FMN2: variants seen among roughly 807,000 people sequenced by gnomAD.
FMN2 encodes the protein formin-2.
In FMN2, 51 loss-of-function variants were observed where a neutral mutation model predicts 142.3. The ratio of observed to expected loss-of-function variants is 0.36; its 90% CI spans 0.29 to 0.45. The LOEUF (loss-of-function observed/expected upper bound fraction) is 0.45, where lower values mean the gene tolerates loss of function less well. Among genes scored for constraint, FMN2 ranks in the 20% least tolerant of loss-of-function variants. The pLI, the probability that FMN2 is intolerant of heterozygous loss-of-function variation, is 1.00. For missense variants in FMN2, 1,936 were observed against 2,122.8 expected (o/e 0.91, Z 1.73); for synonymous variants, 882 against 869.8 (o/e 1.01, Z -0.25).
At chr1:240,312,445 G>T (rs568432409) in intron 8 of FMN2, among the ~76,000 whole-genome samples, 1 of 152,084 alleles carries the variant, frequency 6.6e-6, no homozygotes, top group Non-Finnish European at 1.5e-5. Flanking sequence ...GACATTGTAC[G>T]CATATTCACT....
At chr1:240,282,803 A>G (rs1367289331) in intron 7 of FMN2, among the ~76,000 whole-genome samples, 1 of 152,206 alleles carries the variant, frequency 6.6e-6, no homozygotes, top group East Asian at 1.9e-4. Flanking sequence ...CCTTTGAAAT[A>G]TGAGTTTTCA....
At chr1:240,332,294 G>A (rs1195636835) in intron 11 of FMN2, among the ~76,000 whole-genome samples, 3 of 151,304 alleles carry the variant, frequency 2.0e-5, no homozygotes, top group Admixed American at 6.6e-5. Flanking sequence ...GAGTGCAATA[G>A]CATGAGCCCG....
At chr1:240,298,251 C>T (rs1421091106) in intron 8 of FMN2, among the ~76,000 whole-genome samples, 1 of 152,136 alleles carries the variant, frequency 6.6e-6, no homozygotes, top group African/African-American at 2.4e-5. Context: ...ACCAGGTTAG[C>T]CCTCTGCAGT....
At chr1:240,468,255 C>CATATGCACACACACATATAA in intron 16 of FMN2, among the ~76,000 whole-genome samples, 1 of 150,826 alleles carries the variant, frequency 6.6e-6, no homozygotes. Flanking sequence ...CACATATATA[C>CATATGCACACACACATATAA]ATATGCACAC....
intron 13 of FMN2, among the ~76,000 whole-genome samples, chr1:240,355,267 A>T (rs1672225343): frequency 6.6e-6 from 1 of 152,166 alleles, no homozygotes; most frequent in Non-Finnish European, 1.5e-5. Context: ...CTGACATGTA[A>T]TAGATGCTCT....
chr1:240,333,968 G>A (rs751100978), intron 12 of FMN2, 22 bp downstream of exon 12: 6 of 1,594,060 alleles, frequency 3.8e-6, no homozygotes, highest in Non-Finnish European at 1.7e-6. Flanking sequence ...TTTACATATA[G>A]TCATATTCCA....
chr1:240,222,013 A>AAT (rs1667136062), intron 6 of FMN2, among the ~76,000 whole-genome samples: 1 of 69,304 alleles, frequency 1.4e-5, no homozygotes, highest in African/African-American at 7.2e-5. Flanking sequence ...ACACCCAGCT[A>AAT]ATTTTTTTTT....
chr1:240,391,979 T>A (rs1204325027), intron 14 of FMN2, among the ~76,000 whole-genome samples: 4 of 152,190 alleles, frequency 2.6e-5, no homozygotes, highest in Admixed American at 6.5e-5. Context: ...TGATAGCAAG[T>A]AAATGGGTAT....
intron 13 of FMN2, among the ~76,000 whole-genome samples, chr1:240,345,073 T>C (rs776906126): frequency 3.9e-5 from 6 of 152,208 alleles, no homozygotes; most frequent in Non-Finnish European, 5.9e-5. Flanking sequence ...AGTCATTTCT[T>C]TTTCCATTTT....
rs1674454132 is a variant in FMN2 at position 240,413,076 on chromosome 1, TGG to T, written c.4910+20515_4910+20516del. Reference sequence around the variant, plus strand: ...AGGTAGAGCTTGCAGTGAGCCGAGATGGTGCCACTGCACTCCAGCCTGGGCGA... The same window carrying T: ...AGGTAGAGCTTGCAGTGAGCCGAGATTGCCACTGCACTCCAGCCTGGGCGA... On this transcript the variant is annotated intron_variant, in intron 15 of 17. Transcript: ENST00000319653. Among the ~76,000 whole-genome samples the T allele has an allele frequency of 3.3e-5, 4 of 119,946 alleles. No individual in the cohort carries two copies. The East Asian group carries it at 1.0e-3, about 31-fold the overall frequency. The allele number at this position is 119,946 out of a possible 152,430, so 78.7% of individuals were successfully genotyped here.
At chr1:240,137,069 C>CAAAAAAAAAA (rs563163509) in intron 2 of FMN2, among the ~76,000 whole-genome samples, 1 of 76,198 alleles carries the variant, frequency 1.3e-5, no homozygotes, top group African/African-American at 4.9e-5. Context: ...AACTCCGTCT[C>CAAAAAAAAAA]AAAAAAAAAA....
intron 6 of FMN2, among the ~76,000 whole-genome samples, chr1:240,243,529 A>C (rs981098295): frequency 7.9e-5 from 12 of 152,198 alleles, no homozygotes. Flanking sequence ...TGTTGGAATA[A>C]ACTCAAGTGA....
intron 2 of FMN2, among the ~76,000 whole-genome samples, chr1:240,140,266 T>C (rs190931450): frequency 1.4e-4 from 21 of 152,244 alleles, no homozygotes; most frequent in Admixed American, 1.3e-3. Context: ...AAGCTTTCTA[T>C]GTACCAGGCT....
chr1:240,385,207 T>C (rs185743722), intron 14 of FMN2, among the ~76,000 whole-genome samples: 2 of 152,198 alleles, frequency 1.3e-5, no homozygotes, highest in African/African-American at 4.8e-5. Flanking sequence ...GTTTTGATAG[T>C]TTGAATCCCT....
At chr1:240,345,803 C>A (rs1347602981) in intron 13 of FMN2, among the ~76,000 whole-genome samples, 3 of 151,956 alleles carry the variant, frequency 2.0e-5, no homozygotes, top group African/African-American at 4.8e-5. Context: ...CTTATTAAGT[C>A]AAAAATGTCT....
rs191826059 is a variant in FMN2, at chr1:240,420,617, A to C, written c.4911-17444A>C. 3.3e-5 allele frequency among the ~76,000 whole-genome samples: 5 copies of C among 152,272 alleles called. No individual in the cohort carries two copies. The East Asian group carries it at 9.7e-4, about 29-fold the overall frequency. On this transcript the variant is annotated intron_variant, in intron 15 of 17. Coordinates refer to ENST00000319653, the MANE Select transcript of FMN2 (RefSeq NM_020066.5). ...GTTCACACCAGGACATTTTTACTAA[A>C]GATATCACCTGAGCTAACCTGATAA...
intron 2 of FMN2, 75 bp downstream of exon 2, chr1:240,123,420 A>G: frequency 6.9e-7 from 1 of 1,441,418 alleles, no homozygotes; most frequent in South Asian, 1.4e-5. Context: ...GTATCTGCCC[A>G]GTCACCCTAT....
rs1489403562 is a variant in FMN2 at position 240,231,406 on chromosome 1, G to A, written c.4065+20171G>A. On this transcript the variant is annotated intron_variant, in intron 6 of 17. Transcript: ENST00000319653. ...CAGATGAAGAAGATCAAATGGCAAGGTGGTTTCAGTTTATTCTGAATATTT... is the reference window on the plus strand; with the variant it reads ...CAGATGAAGAAGATCAAATGGCAAGATGGTTTCAGTTTATTCTGAATATTT... Among the ~76,000 whole-genome samples, 3 of 80,200 alleles carry A rather than the reference G, an allele frequency of 3.7e-5. 1 individual carries two copies. The highest frequency in any genetic ancestry group is 3.0e-4 in the Admixed American group (3 of 9,866). 52.6% of individuals were successfully genotyped at this position (80,200 alleles called of 152,430 possible).
chr1:240,364,377 G>T (rs1672592368), intron 14 of FMN2, among the ~76,000 whole-genome samples: 1 of 152,074 alleles, frequency 6.6e-6, no homozygotes, highest in South Asian at 2.1e-4. Context: ...CCAATAACTG[G>T]ACTGCAAAAT....
Sources: allele counts gnomAD v4.1 joint callset (sites outside exome capture counted in the v4.1 genomes callset), GRCh38; gene constraint gnomAD v4.1.1; transcripts MANE v1.5; gene names NCBI Gene and HGNC (gene_info 2026-07-23, HGNC 2026-07-21).